Variants in OGFOD3 observed in about 807,000 individuals in gnomAD.
The protein encoded by OGFOD3 is 2-oxoglutarate and iron-dependent oxygenase domain-containing protein 3.
OGFOD3 carries 35 observed loss-of-function variants against 39.8 expected under a neutral mutation model. The observed-to-expected ratio is 0.88, with a 90% CI of 0.67 to 1.17. OGFOD3 has a LOEUF of 1.17. OGFOD3 is among the 50% of genes most tolerant of loss of function. The probability of loss-of-function intolerance (pLI) is 0.00; values close to 1 mark genes in which losing one functional copy is unlikely to be tolerated. For synonymous variants in OGFOD3, 200 were observed against 192.0 expected, an observed-to-expected ratio of 1.04 and a Z score of -0.34; for missense variants, 438 against 454.5, an observed-to-expected ratio of 0.96 and a Z score of 0.33.
Position 82,392,384 on chromosome 17 carries a change from G to A in OGFOD3, c.*14C>T. The A allele has an allele frequency of 6.2e-7, 1 of 1,607,184 alleles. No individual in the cohort carries two copies. Among genetic ancestry groups the A allele is most frequent in the Non-Finnish European group, 8.5e-7 (1 of 1,177,936 alleles). ...ACACGGGCCCTCCTGAAGTTACCTT[G>A]GCCCGGCTGCTGGCTACGGGAACGC... On this transcript the variant is annotated 3_prime_UTR_variant, in exon 9 of 9. Transcript: ENST00000313056. The surrounding 1 kb of genome is among the most constrained non-coding windows in gnomAD (Gnocchi z 4.2).
chr17:82,403,587 C>G (rs1258980176), intron 7 of OGFOD3, among the ~76,000 whole-genome samples: 1 of 152,092 alleles, frequency 6.6e-6, no homozygotes, highest in African/African-American at 2.4e-5. Context: ...AGCCGAATCG[C>G]GCCACTGCAC....
At chr17:82,397,973 G>T (rs1348207002) in intron 8 of OGFOD3, among the ~76,000 whole-genome samples, 2 of 152,108 alleles carry the variant, frequency 1.3e-5, no homozygotes, top group Non-Finnish European at 2.9e-5. Flanking sequence ...GGCGTGGAGG[G>T]GGGCTCTGCC....
At chr17:82,418,312 A>G (rs1017889291) in intron 1 of OGFOD3, 100 bp downstream of exon 1, 1 of 6,950 alleles carries the variant, frequency 1.4e-4, no homozygotes, top group Non-Finnish European at 3.2e-4. Context: ...CCACCCCCCC[A>G]CCCGGGTCGG....
At position 82,410,207 on chromosome 17, in the gene OGFOD3, C is replaced by T. The variant is rs557418970; in HGVS notation, c.381-797G>A. Among the ~76,000 whole-genome samples, 8 of 152,336 alleles carry T rather than the reference C, an allele frequency of 5.3e-5. No homozygotes were observed. The East Asian group carries it at 9.6e-4, about 18-fold the overall frequency. ...TGCCTGTGGACACCAAGTGGGGACA[C>T]GCCGGTGCCTCAGTCAGACAGCAGT... On this transcript the variant is annotated intron_variant, in intron 3 of 8. Transcript: ENST00000313056.
intron 3 of OGFOD3, among the ~76,000 whole-genome samples, chr17:82,410,206 A>G (rs2052921192): frequency 6.6e-6 from 1 of 152,196 alleles, no homozygotes; most frequent in African/African-American, 2.4e-5. Context: ...AAGTGGGGAC[A>G]CGCCGGTGCC....
rs1226546353 is a variant in OGFOD3, at chr17:82,394,599, G to A, written c.824-2065C>T. On this transcript the variant is annotated intron_variant, in intron 8 of 8. Transcript: ENST00000313056. ...AAGGGTTGACTCCAGGGGCCTGGGC[G>A]GTGCACACCCTACACCCTCCAGAGA... 1.3e-5 allele frequency: 19 copies of A among 1,420,968 alleles called. 1 individual carries two copies. Among genetic ancestry groups the A allele is most frequent in the African/African-American group, 2.8e-5 (2 of 71,052 alleles). 88.0% of individuals were successfully genotyped at this position (1,420,968 alleles called of 1,614,324 possible). A position where few individuals can be genotyped will look rare whatever the true frequency, so the allele number is the denominator to read the frequency against.
At chr17:82,408,596 G>C (rs1350838292) in intron 4 of OGFOD3, among the ~76,000 whole-genome samples, 13 of 151,224 alleles carry the variant, frequency 8.6e-5, no homozygotes, top group African/African-American at 9.7e-5. Context: ...TGTGGGAGGG[G>C]CCCTGCTCCC....
Position 82,405,378 on chromosome 17 carries a change from T to A in OGFOD3, c.491A>T (p.Tyr164Phe). 1 of 1,613,574 alleles carries A rather than the reference T, an allele frequency of 6.2e-7. No homozygotes were observed. Among genetic ancestry groups the A allele is most frequent in the Non-Finnish European group, 8.5e-7 (1 of 1,179,450 alleles). Residue 164 changes from tyrosine (Y) to phenylalanine (F), a missense_variant and splice_region_variant, in exon 6 of 9, where the codon TAC becomes TTC. Coordinates refer to ENST00000313056, the MANE Select transcript of OGFOD3 (RefSeq NM_024648.3). ...GATGTTCTGTATTTTATCCCCGAAG[T>A]ATCTGTGAAAAAAGGAGTATTCACA... Reference protein sequence around the residue: ...VGKHFVNLYRYFGDKIQNIFS... With the variant: ...VGKHFVNLYRFFGDKIQNIFS...
In OGFOD3 at chr17:82,391,622, G is replaced by C. The variant is rs1476010456; in HGVS notation, c.*776C>G. 1 of 152,424 alleles carries C rather than the reference G, an allele frequency of 6.6e-6. No homozygotes were observed. The highest frequency in any genetic ancestry group is 1.5e-5 in the Non-Finnish European group (1 of 68,262). The allele number at this position is 152,424 out of a possible 1,614,324, so 9.4% of individuals were successfully genotyped here. ...AGGTGTGAGCCACCGCGCCCAGCCTGACCATCAGTTTAATGCCAGGGCAAA... is the reference window on the plus strand; with the variant it reads ...AGGTGTGAGCCACCGCGCCCAGCCTCACCATCAGTTTAATGCCAGGGCAAA... On this transcript the variant is annotated 3_prime_UTR_variant, in exon 9 of 9. Coordinates refer to ENST00000313056, the MANE Select transcript of OGFOD3 (RefSeq NM_024648.3). The surrounding 1 kb of genome is among the most constrained non-coding windows in gnomAD (Gnocchi z 5.1).
chr17:82,411,548 G>A lies in OGFOD3; in HGVS notation c.305-18C>T, dbSNP rs1454892870. 3.7e-6 allele frequency: 6 copies of A among 1,612,310 alleles called. No homozygotes were observed. The highest frequency in any genetic ancestry group is 4.2e-6 in the Non-Finnish European group (5 of 1,178,430). On this transcript the variant is annotated intron_variant, in intron 2 of 8. Transcript: ENST00000313056. ...AGTGCAGCCTGTGAAGGGACAGCCA[G>A]GGTGAGACGCAGTTTCCAAGGCCAC... is the stretch of plus-strand genomic sequence containing the variant.
intron 8 of OGFOD3, among the ~76,000 whole-genome samples, chr17:82,395,833 A>G (rs2052663811): frequency 6.6e-6 from 1 of 152,256 alleles, no homozygotes; most frequent in Non-Finnish European, 1.5e-5. Flanking sequence ...AAGAAAAAAA[A>G]AAGTCTCCAA....
intron 7 of OGFOD3, chr17:82,400,995 G>A (rs948283064): frequency 6.6e-6 from 1 of 152,166 alleles, no homozygotes; most frequent in African/African-American, 2.4e-5. Flanking sequence ...TAAGTGCCGT[G>A]CAGTCGTGAA....
intron 7 of OGFOD3, among the ~76,000 whole-genome samples, chr17:82,403,306 G>A (rs767816013): frequency 2.0e-4 from 31 of 152,152 alleles, no homozygotes; most frequent in Non-Finnish European, 3.4e-4. Context: ...GATTGAGGGT[G>A]TGCCCTGAAA....
chr17:82,408,254 T>A (rs1329824753), intron 4 of OGFOD3, among the ~76,000 whole-genome samples: 1 of 152,250 alleles, frequency 6.6e-6, no homozygotes. Flanking sequence ...AAAGAGTCTA[T>A]AAATTAATTT....
Position 82,411,116 on chromosome 17 carries a change from G to A in OGFOD3, c.380+339C>T, listed in dbSNP as rs59462280. The stretch of plus-strand genomic sequence containing the variant: ...GGATGGAGTGCAGTGGTGCAGTCTT[G>A]GCTCACTGCAACCTCTGCCTCCCGG... On this transcript the variant is annotated intron_variant, in intron 3 of 8. Transcript: ENST00000313056. Among the ~76,000 whole-genome samples, 751 of 149,182 alleles carry A rather than the reference G, an allele frequency of 5.0e-3. 9 individuals are homozygous for A. Among genetic ancestry groups the A allele is most frequent in the African/African-American group, 0.017 (701 of 40,306 alleles).
intron 2 of OGFOD3, 170 bp from the exon 3 acceptor site, chr17:82,411,700 A>G: frequency 3.5e-6 from 2 of 570,208 alleles, no homozygotes. Flanking sequence ...TCTGGAGTTC[A>G]CGTCTCACTG....
chr17:82,414,153 G>A (rs962917266), intron 2 of OGFOD3, among the ~76,000 whole-genome samples: 4 of 151,968 alleles, frequency 2.6e-5, no homozygotes, highest in Non-Finnish European at 5.9e-5. Context: ...GGGGGGTCAG[G>A]ATCTCGCTCT....
rs527949734 is a variant in OGFOD3 at position 82,418,418 on chromosome 17, C to G, written c.68G>C (p.Arg23Pro). 16 of 1,478,870 alleles carry G rather than the reference C, an allele frequency of 1.1e-5. No individual in the cohort carries two copies. Among genetic ancestry groups the G allele is most frequent in the East Asian group, 3.0e-5 (1 of 33,720 alleles). The allele number at this position is 1,478,870 out of a possible 1,614,324, so 91.6% of individuals were successfully genotyped here. Reference protein sequence around the residue: ...EGNGAAERRNRSSTKKDRAPR... With the variant: ...EGNGAAERRNPSSTKKDRAPR... Reference sequence around the variant, plus strand: ...TTCCCCTCCTCACCGCTACCTGCTCCGGTTCCGGCGCTCGGCCGCTCCGTT... The same window carrying G: ...TTCCCCTCCTCACCGCTACCTGCTCGGGTTCCGGCGCTCGGCCGCTCCGTT... The change falls in exon 1 of 9, where the codon CGG (arginine) becomes CCG (proline). Residue 23 changes from arginine (R) to proline (P), a missense_variant. Transcript: ENST00000313056.
At chr17:82,394,611 A>C in intron 8 of OGFOD3, 1 of 1,293,006 alleles carries the variant, frequency 7.7e-7, no homozygotes, top group South Asian at 1.4e-5. Flanking sequence ...TGCACACCCT[A>C]CACCCTCCAG....
Sources: gnomAD v4.1 joint callset for allele counts (sites outside exome capture counted in the v4.1 genomes callset) on GRCh38, gnomAD v4.1.1 for gene constraint, Gnocchi (gnomAD v3.1) non-coding constraint, MANE v1.5 for transcripts, NCBI Gene and HGNC (gene_info 2026-07-23, HGNC 2026-07-21) for gene names.